The following DENND2B variants were observed in gnomAD, a reference collection of about 807,000 sequenced individuals.
DENND2B encodes the protein DENN domain containing 2B.
In DENND2B, 32 loss-of-function variants were observed where a neutral mutation model predicts 116.0. That is an observed-to-expected ratio of 0.28 (90% CI 0.21 to 0.37). The LOEUF is 0.37. DENND2B is among the 10% of genes least tolerant of loss of function. The pLI is 1.00. For synonymous variants in DENND2B, 588 were observed against 583.9 expected, an observed-to-expected ratio of 1.01 and a Z score of -0.10; for missense variants, 1,276 against 1,477.7, an observed-to-expected ratio of 0.86 and a Z score of 2.24.
chr11:8,803,830 C>T (rs1256815680), intron 1 of DENND2B, among the ~76,000 whole-genome samples: 2 of 152,124 alleles, frequency 1.3e-5, no homozygotes, highest in Admixed American at 1.3e-4. Context: ...GGCTGCAAAG[C>T]CTATTCTATG....
At chr11:8,830,927 C>G (rs1566028124) in intron 4 of DENND2B, 2 of 152,276 alleles carry the variant, frequency 1.3e-5, no homozygotes, top group Non-Finnish European at 2.9e-5. Context: ...GAAAGAAAAG[C>G]CAAGACCAGT....
At chr11:8,739,103 T>C (rs1224029379) in intron 2 of DENND2B, among the ~76,000 whole-genome samples, 1 of 152,240 alleles carries the variant, frequency 6.6e-6, no homozygotes, top group Non-Finnish European at 1.5e-5. Context: ...ATTATTTGTG[T>C]TGAATGACTA....
At chr11:8,811,552 A>G, upstream of DENND2B, 1 of 379,060 alleles carries the variant, frequency 2.6e-6, no homozygotes, top group African/African-American at 2.1e-5. Context: ...GGGACACGGC[A>G]GACCCCCTAA....
intron 4 of DENND2B, among the ~76,000 whole-genome samples, chr11:8,836,508 G>A (rs1342109897): frequency 7.6e-6 from 1 of 131,574 alleles, no homozygotes. Context: ...TGCAACCTCC[G>A]CCTGCCAGGT....
chr11:8,851,784 T>A (rs2063017431), intron 3 of DENND2B, among the ~76,000 whole-genome samples: 1 of 152,226 alleles, frequency 6.6e-6, no homozygotes. Context: ...TAGTATTTTG[T>A]GAATATTTTT....
chr11:8,736,861 G>T (rs1173980913), intron 2 of DENND2B, among the ~76,000 whole-genome samples: 1 of 152,344 alleles, frequency 6.6e-6, no homozygotes, highest in South Asian at 2.1e-4. Context: ...CTCAAGAGAA[G>T]GAAGCTCTTG....
At chr11:8,793,887 T>G (rs2134351457) in intron 1 of DENND2B, among the ~76,000 whole-genome samples, 1 of 152,300 alleles carries the variant, frequency 6.6e-6, no homozygotes, top group South Asian at 2.1e-4. Context: ...TTTTTTAAAT[T>G]AAGAGCATAA....
intron 2 of DENND2B, among the ~76,000 whole-genome samples, chr11:8,859,425 A>G (rs1257242143): frequency 6.6e-6 from 1 of 151,994 alleles, no homozygotes; most frequent in African/African-American, 2.4e-5. Flanking sequence ...CTCCTGCCTC[A>G]GCCTCCCGAG....
chr11:8,738,577 C>T (rs2049559780), intron 2 of DENND2B, among the ~76,000 whole-genome samples: 1 of 152,188 alleles, frequency 6.6e-6, no homozygotes, highest in South Asian at 2.1e-4. Context: ...TTCCTAACAT[C>T]TCTCAGATGT....
chr11:8,868,428 C>A (rs1385647567), intron 2 of DENND2B, among the ~76,000 whole-genome samples: 1 of 152,170 alleles, frequency 6.6e-6, no homozygotes, highest in Admixed American at 6.5e-5. Flanking sequence ...AGCCCTTGAG[C>A]CAGAATTCAA....
At chr11:8,827,991 T>G (rs1464081009) in intron 4 of DENND2B, among the ~76,000 whole-genome samples, 1 of 152,090 alleles carries the variant, frequency 6.6e-6, no homozygotes, top group Non-Finnish European at 1.5e-5. Context: ...GGGTGGACTG[T>G]GGCAATGTTG....
chr11:8,826,321 T>C (rs1004348698), intron 4 of DENND2B, among the ~76,000 whole-genome samples: 6 of 152,136 alleles, frequency 3.9e-5, no homozygotes, highest in Non-Finnish European at 7.4e-5. Context: ...CCCCAAACCA[T>C]GGTTCACTAC....
At chr11:8,781,781 A>C (rs1451731044) in intron 1 of DENND2B, among the ~76,000 whole-genome samples, 1 of 152,198 alleles carries the variant, frequency 6.6e-6, no homozygotes, top group South Asian at 2.1e-4. Flanking sequence ...CGAAAACCCA[A>C]CTGAAAAATA....
intron 1 of DENND2B, among the ~76,000 whole-genome samples, chr11:8,900,305 GC>G (rs2064149713): frequency 1.3e-5 from 2 of 151,738 alleles, no homozygotes; most frequent in South Asian, 4.2e-4. Flanking sequence ...TGGTGGTGGT[GC>G]CTGTAGTCCC....
At chr11:8,748,639 A>G (rs1420773456) in intron 2 of DENND2B, among the ~76,000 whole-genome samples, 2 of 152,190 alleles carry the variant, frequency 1.3e-5, no homozygotes, top group Non-Finnish European at 2.9e-5. Context: ...GGAAGGAAGG[A>G]GAGAAGCGGA....
At chr11:8,782,826 G>C (rs1426617665) in intron 1 of DENND2B, among the ~76,000 whole-genome samples, 1 of 147,650 alleles carries the variant, frequency 6.8e-6, no homozygotes, top group Non-Finnish European at 1.5e-5. Flanking sequence ...AGCAGAGCTT[G>C]CAGTGAGCCG....
chr11:8,803,467 G>C (rs898233499), intron 1 of DENND2B, among the ~76,000 whole-genome samples: 2 of 152,188 alleles, frequency 1.3e-5, no homozygotes, highest in Non-Finnish European at 2.9e-5. Context: ...GAACCCTAGA[G>C]AAGTCAAGTT....
chr11:8,742,546 C>T (rs1407372686), intron 2 of DENND2B, among the ~76,000 whole-genome samples: 2 of 152,172 alleles, frequency 1.3e-5, no homozygotes, highest in South Asian at 4.1e-4. Flanking sequence ...ATAGGAAATA[C>T]AGCTAATAAA....
At chr11:8,759,193 T>C (rs373111251) in intron 1 of DENND2B, among the ~76,000 whole-genome samples, 1 of 152,216 alleles carries the variant, frequency 6.6e-6, no homozygotes, top group Admixed American at 6.5e-5. Context: ...CCTCTAAGAA[T>C]GGACCTTCCT....
Sources: allele counts gnomAD v4.1 joint callset (sites outside exome capture counted in the v4.1 genomes callset), GRCh38; gene constraint gnomAD v4.1.1; transcripts MANE v1.5; gene names NCBI Gene and HGNC (gene_info 2026-07-23, HGNC 2026-07-21).